The following WSCD2 variants were observed in gnomAD, a reference collection of about 807,000 sequenced individuals.
WSCD2 encodes the protein sialate:O-sulfotransferase 2.
A neutral mutation model predicts 55.7 loss-of-function variants in WSCD2; 28 were observed. The observed-to-expected ratio is 0.50, with a 90% CI of 0.37 to 0.69. WSCD2 has a LOEUF of 0.69. WSCD2 is among the 30% of genes least tolerant of loss of function. The pLI is 0.00. For missense variants in WSCD2, 616 were observed against 762.1 expected (o/e 0.81, Z 2.26); for synonymous variants, 301 against 301.9 (o/e 1.00, Z 0.03).
At chr12:108,145,440 C>T (rs766030844) in intron 1 of WSCD2, among the ~76,000 whole-genome samples, 4 of 152,198 alleles carry the variant, frequency 2.6e-5, no homozygotes, top group Non-Finnish European at 5.9e-5. Flanking sequence ...GTTCAGTAGG[C>T]TTCCCAGGCT....
intron 1 of WSCD2, among the ~76,000 whole-genome samples, chr12:108,186,683 T>C (rs1882536529): frequency 6.6e-6 from 1 of 152,254 alleles, no homozygotes; most frequent in Non-Finnish European, 1.5e-5. Flanking sequence ...CCCTGAATAA[T>C]ACTCCACTGT....
intron 1 of WSCD2, among the ~76,000 whole-genome samples, chr12:108,155,290 T>A (rs538027019): frequency 6.6e-6 from 1 of 152,188 alleles, no homozygotes; most frequent in African/African-American, 2.4e-5. Context: ...GGGGCATGAT[T>A]GTGGCCCCCG....
intron 1 of WSCD2, among the ~76,000 whole-genome samples, chr12:108,165,991 A>G (rs1019124461): frequency 6.6e-6 from 1 of 152,176 alleles, no homozygotes; most frequent in Non-Finnish European, 1.5e-5. Flanking sequence ...GAGATTTTTT[A>G]TTGATGTCAT....
chr12:108,155,362 A>G (rs1018106371), intron 1 of WSCD2, among the ~76,000 whole-genome samples: 2 of 152,190 alleles, frequency 1.3e-5, no homozygotes, highest in Non-Finnish European at 2.9e-5. Flanking sequence ...GCATACACCA[A>G]TCAGGGCTCT....
intron 4 of WSCD2, among the ~76,000 whole-genome samples, chr12:108,211,538 GTT>G (rs1193760884): frequency 1.3e-5 from 2 of 151,916 alleles, no homozygotes; most frequent in African/African-American, 4.8e-5. Context: ...CAGCTAGTCT[GTT>G]TGCAGAGAAG....
chr12:108,156,966 A>C (rs1401344937), intron 1 of WSCD2, among the ~76,000 whole-genome samples: 1 of 152,160 alleles, frequency 6.6e-6, no homozygotes, highest in African/African-American at 2.4e-5. Context: ...ACTTGTTTGG[A>C]ACCTCTGGCT....
At chr12:108,181,923 C>G (rs1443422529) in intron 1 of WSCD2, among the ~76,000 whole-genome samples, 1 of 152,224 alleles carries the variant, frequency 6.6e-6, no homozygotes, top group Non-Finnish European at 1.5e-5. Context: ...TACGCAGATG[C>G]TTTGCATGCC....
intron 5 of WSCD2, among the ~76,000 whole-genome samples, chr12:108,226,673 A>G (rs1270733969): frequency 2.0e-5 from 3 of 152,198 alleles, no homozygotes; most frequent in African/African-American, 7.2e-5. Flanking sequence ...GTGCATTTAC[A>G]GTATGGAGAT....
At chr12:108,213,360 A>G (rs527944699) in intron 4 of WSCD2, among the ~76,000 whole-genome samples, 1 of 152,364 alleles carries the variant, frequency 6.6e-6, no homozygotes, top group Admixed American at 6.5e-5. Flanking sequence ...TCATTCTGAG[A>G]GGATTCCAGG....
At chr12:108,233,960 T>C (rs1889037867) in intron 7 of WSCD2, among the ~76,000 whole-genome samples, 1 of 152,170 alleles carries the variant, frequency 6.6e-6, no homozygotes, top group African/African-American at 2.4e-5. Context: ...CAATTTACTG[T>C]ACCTACCTCT....
chr12:108,142,652 C>T (rs563270199), intron 1 of WSCD2, among the ~76,000 whole-genome samples: 1 of 152,200 alleles, frequency 6.6e-6, no homozygotes, highest in African/African-American at 2.4e-5. Context: ...CATCCTTACA[C>T]TCTTTTATTC....
intron 1 of WSCD2, among the ~76,000 whole-genome samples, chr12:108,148,984 A>G (rs1293182991): frequency 6.6e-6 from 1 of 152,140 alleles, no homozygotes; most frequent in East Asian, 1.9e-4. Flanking sequence ...GACACAACCC[A>G]CCTTCAGGTA....
At chr12:108,196,245 G>A in intron 2 of WSCD2, 31 bp downstream of exon 2, 2 of 1,584,068 alleles carry the variant, frequency 1.3e-6, no homozygotes, top group Non-Finnish European at 1.7e-6. Flanking sequence ...GACACTGAGG[G>A]GCTGGGGAGA....
At chr12:108,228,467 A>G (rs1456001269) in intron 6 of WSCD2, among the ~76,000 whole-genome samples, 1 of 152,066 alleles carries the variant, frequency 6.6e-6, no homozygotes, top group East Asian at 1.9e-4. Flanking sequence ...CCTGCTAGAA[A>G]CCTTTGCCCA....
chr12:108,192,949 G>A (rs1362518665), intron 1 of WSCD2, among the ~76,000 whole-genome samples: 1 of 151,454 alleles, frequency 6.6e-6, no homozygotes, highest in East Asian at 1.9e-4. Flanking sequence ...TTTTTTCTGG[G>A]CATATATCTA....
At chr12:108,138,013 T>C (rs1242530388) in intron 1 of WSCD2, among the ~76,000 whole-genome samples, 1 of 152,198 alleles carries the variant, frequency 6.6e-6, no homozygotes, top group Non-Finnish European at 1.5e-5. Context: ...CGCTATACAC[T>C]GAGGACAGCT....
intron 1 of WSCD2, among the ~76,000 whole-genome samples, chr12:108,193,560 C>T (rs992047147): frequency 1.6e-4 from 24 of 151,634 alleles, no homozygotes; most frequent in Non-Finnish European, 2.8e-4. Flanking sequence ...ATGGATGGTT[C>T]AATGAATAGA....
At chr12:108,181,375 C>T (rs1321651111) in intron 1 of WSCD2, among the ~76,000 whole-genome samples, 2 of 152,168 alleles carry the variant, frequency 1.3e-5, no homozygotes, top group African/African-American at 4.8e-5. Flanking sequence ...TGAGGACTCA[C>T]TTTTCAAAGA....
chr12:108,179,302 G>GC (rs993342975), intron 1 of WSCD2, among the ~76,000 whole-genome samples: 5 of 152,130 alleles, frequency 3.3e-5, no homozygotes, highest in African/African-American at 1.2e-4. Flanking sequence ...ATTTTAACAA[G>GC]CCCCCCAAAG....
Sources: allele counts gnomAD v4.1 joint callset (sites outside exome capture counted in the v4.1 genomes callset), GRCh38; gene constraint gnomAD v4.1.1; transcripts MANE v1.5; gene names NCBI Gene and HGNC (gene_info 2026-07-23, HGNC 2026-07-21).